ZZZ3: variants seen among roughly 807,000 people sequenced by gnomAD.
ZZZ3 encodes the protein zinc finger ZZ-type containing 3, also known as ZZ-type zinc finger-containing protein 3.
In ZZZ3, 22 loss-of-function variants were observed where a neutral mutation model predicts 95.2. The ratio of observed to expected loss-of-function variants is 0.23; its 90% confidence interval spans 0.17 to 0.33. ZZZ3 has a LOEUF of 0.33. ZZZ3 is among the 10% of genes least tolerant of loss of function. ZZZ3 has a pLI of 1.00. For missense variants in ZZZ3, 885 were observed against 1,066.5 expected (o/e 0.83, Z 2.37); for synonymous variants, 335 against 358.9 (o/e 0.93, Z 0.75).
At position 77,562,622 on chromosome 1, in the gene ZZZ3, A is replaced by G. The variant is rs545989682; in HGVS notation, c.*3018T>C. ...GGGGGGAAAACAGACAAGGCATACT[A>G]TTAGGTTAAGTGAGAAGCACCCAAC... On this transcript the variant is annotated 3_prime_UTR_variant, in exon 15 of 15. Coordinates refer to ENST00000370801, the MANE Select transcript of ZZZ3 (RefSeq NM_015534.6). The G allele has an allele frequency of 1.3e-5, 2 of 152,354 alleles. No homozygotes were observed. Among genetic ancestry groups the G allele is most frequent in the Admixed American group, 6.5e-5 (1 of 15,304 alleles). 9.4% of individuals were successfully genotyped at this position (152,354 alleles called of 1,614,324 possible).
intron 1 of ZZZ3, among the ~76,000 whole-genome samples, chr1:77,671,446 C>T (rs1381907478): frequency 1.3e-5 from 2 of 152,100 alleles, no homozygotes; most frequent in Non-Finnish European, 2.9e-5. Context: ...CAAGGAAGGA[C>T]ATACATGCAC....
intron 1 of ZZZ3, among the ~76,000 whole-genome samples, chr1:77,672,412 T>C (rs1671867503): frequency 6.6e-6 from 1 of 152,230 alleles, no homozygotes; most frequent in East Asian, 1.9e-4. Context: ...CAGAACCATA[T>C]ACTGTATTGA....
chr1:77,633,372 C>T lies in ZZZ3; in HGVS notation c.-18G>A, dbSNP rs1668003138. Reference sequence around the variant, plus strand: ...GCAGCCATACTATGGCAAGTCCCTACAATACGGTCATCATGATCCACTCAT... The same window carrying T: ...GCAGCCATACTATGGCAAGTCCCTATAATACGGTCATCATGATCCACTCAT... On this transcript the variant is annotated 5_prime_UTR_variant, in exon 5 of 15. Transcript: ENST00000370801. 1 of 1,559,770 alleles carries T rather than the reference C, an allele frequency of 6.4e-7. No individual in the cohort carries two copies. Among genetic ancestry groups the T allele is most frequent in the African/African-American group, 1.4e-5 (1 of 72,780 alleles).
chr1:77,676,056 G>A (rs1176667299), intron 1 of ZZZ3, among the ~76,000 whole-genome samples: 6 of 152,186 alleles, frequency 3.9e-5, no homozygotes. Flanking sequence ...GTATACTGCT[G>A]TTTAACACTT....
chr1:77,570,629 C>A lies in ZZZ3; in HGVS notation c.2332-2163G>T, dbSNP rs138445736. ...CACACTTCATCTATCTTATCTCCCA[C>A]TTTTTCCTGTTATTTTATTTTTATT... On this transcript the variant is annotated intron_variant, in intron 12 of 14. Transcript: ENST00000370801. 1.5e-3 allele frequency among the ~76,000 whole-genome samples: 228 copies of A among 151,272 alleles called. 1 individual carries two copies. The highest frequency in any genetic ancestry group is 5.2e-3 in the African/African-American group (213 of 41,338).
chr1:77,565,901 A>C, intron 14 of ZZZ3, 117 bp from the exon 15 acceptor site: 1 of 1,240,584 alleles, frequency 8.1e-7, no homozygotes, highest in Non-Finnish European at 1.1e-6. Context: ...CAAAATCTCC[A>C]ACGGAAAGTT....
intron 1 of ZZZ3, among the ~76,000 whole-genome samples, chr1:77,662,085 C>T (rs1409715146): frequency 2.6e-5 from 4 of 151,356 alleles, no homozygotes; most frequent in Non-Finnish European, 5.9e-5. Context: ...GTGATCTAGG[C>T]TCACTGCAAC....
intron 1 of ZZZ3, among the ~76,000 whole-genome samples, chr1:77,659,073 C>G (rs1345245375): frequency 6.6e-6 from 1 of 151,922 alleles, no homozygotes; most frequent in Non-Finnish European, 1.5e-5. Flanking sequence ...ACAAAATTAG[C>G]CGGGCGTAGT....
chr1:77,626,985 A>G (rs545255862), intron 5 of ZZZ3, among the ~76,000 whole-genome samples: 1 of 152,294 alleles, frequency 6.6e-6, no homozygotes, highest in East Asian at 1.9e-4. Flanking sequence ...TTCTGTAACA[A>G]ATAAAAATCA....
At chr1:77,677,681 A>T (rs1672389215) in intron 1 of ZZZ3, among the ~76,000 whole-genome samples, 1 of 152,228 alleles carries the variant, frequency 6.6e-6, no homozygotes, top group African/African-American at 2.4e-5. Context: ...TTCTTCACAT[A>T]GGGGAATAAC....
At chr1:77,600,258 C>T (rs559616896) in intron 5 of ZZZ3, among the ~76,000 whole-genome samples, 11 of 152,264 alleles carry the variant, frequency 7.2e-5, no homozygotes, top group African/African-American at 2.6e-4. Flanking sequence ...CAAACATATA[C>T]TCAGGCTAAA....
chr1:77,621,676 G>A (rs1413551702), intron 5 of ZZZ3, among the ~76,000 whole-genome samples: 4 of 151,856 alleles, frequency 2.6e-5, no homozygotes, highest in East Asian at 1.9e-4. Flanking sequence ...AATTAGCCAC[G>A]TGTGGTGGTA....
intron 5 of ZZZ3, among the ~76,000 whole-genome samples, chr1:77,602,328 A>G (rs1292789349): frequency 6.6e-6 from 1 of 152,218 alleles, no homozygotes; most frequent in Non-Finnish European, 1.5e-5. Context: ...AACTTCATGT[A>G]TTCTTCTATG....
rs74090682 is a variant in ZZZ3 at position 77,663,271 on chromosome 1, G to A, written c.-403+19314C>T. On this transcript the variant is annotated intron_variant, in intron 1 of 14. Coordinates refer to ENST00000370801, the MANE Select transcript of ZZZ3 (RefSeq NM_015534.6). The stretch of plus-strand genomic sequence containing the variant: ...GATTGTGGACTGTAAATTAGATAAT[G>A]GTATTAATGTTAAGTTTCCTAATTT... 3.5e-3 allele frequency among the ~76,000 whole-genome samples: 529 copies of A among 152,160 alleles called. 3 individuals are homozygous for A. Among genetic ancestry groups the A allele is most frequent in the African/African-American group, 0.012 (504 of 41,510 alleles).
intron 1 of ZZZ3, among the ~76,000 whole-genome samples, chr1:77,681,792 G>A (rs1672780548): frequency 1.3e-5 from 2 of 151,570 alleles, no homozygotes; most frequent in Admixed American, 1.3e-4. Flanking sequence ...CTCGATACTC[G>A]AGAGGCTGAG....
At chr1:77,630,147 T>C (rs149347327) in intron 5 of ZZZ3, among the ~76,000 whole-genome samples, 2 of 152,300 alleles carry the variant, frequency 1.3e-5, no homozygotes, top group Admixed American at 6.5e-5. Flanking sequence ...TACGCTCTCC[T>C]TCCCTGCACT....
Position 77,619,913 on chromosome 1 carries a change from C to T in ZZZ3, c.1505+11937G>A, listed in dbSNP as rs547420994. 5.3e-5 allele frequency among the ~76,000 whole-genome samples: 8 copies of T among 151,864 alleles called. No individual in the cohort carries two copies. The South Asian group carries it at 1.5e-3, about 28-fold the overall frequency. The stretch of plus-strand genomic sequence containing the variant: ...ATTTAAATTTTTCTACTATGAAAAG[C>T]ATGCTAAATTTTTCTCTGACATTTT... On this transcript the variant is annotated intron_variant, in intron 5 of 14. Transcript: ENST00000370801.
At chr1:77,570,168 T>C (rs1220282364) in intron 12 of ZZZ3, among the ~76,000 whole-genome samples, 4 of 152,068 alleles carry the variant, frequency 2.6e-5, no homozygotes, top group African/African-American at 4.8e-5. Flanking sequence ...AGTGGCGCGA[T>C]CTTGGCTCAC....
intron 13 of ZZZ3, among the ~76,000 whole-genome samples, chr1:77,567,384 G>A (rs1027718402): frequency 2.0e-5 from 3 of 152,152 alleles, no homozygotes; most frequent in Non-Finnish European, 4.4e-5. Context: ...AAATGATGAG[G>A]GGAAAAGCTG....
Sources: allele counts gnomAD v4.1 joint callset (sites outside exome capture counted in the v4.1 genomes callset), GRCh38; gene constraint gnomAD v4.1.1; transcripts MANE v1.5; gene names NCBI Gene and HGNC (gene_info 2026-07-23, HGNC 2026-07-21).